Variants in GAB4 observed in about 807,000 individuals in gnomAD.
GAB4 encodes GRB2-associated-binding protein 4.
A neutral mutation model predicts 51.3 loss-of-function variants in GAB4; 26 were observed. The ratio of observed to expected loss-of-function variants is 0.51; its 90% CI spans 0.37 to 0.70. The LOEUF (loss-of-function observed/expected upper bound fraction) is 0.70. Among genes scored for constraint, GAB4 ranks in the 30% least tolerant of loss-of-function variants. The pLI, the probability that GAB4 is intolerant of heterozygous loss-of-function variation, is 0.00. For missense variants in GAB4, 759 were observed against 734.6 expected, an observed-to-expected ratio of 1.03 and a Z score of -0.38; for synonymous variants, 329 against 291.2, an observed-to-expected ratio of 1.13 and a Z score of -1.32.
intron 1 of GAB4, among the ~76,000 whole-genome samples, chr22:16,993,412 A>C (rs2123709494): frequency 6.6e-6 from 1 of 152,290 alleles, no homozygotes. Flanking sequence ...TTGGGTTATT[A>C]TCACAACTCT....
At chr22:16,976,784 T>G (rs888849049) in intron 3 of GAB4, among the ~76,000 whole-genome samples, 1 of 152,088 alleles carries the variant, frequency 6.6e-6, no homozygotes, top group African/African-American at 2.4e-5. Flanking sequence ...GGTTGGGTTA[T>G]CCACAAAGGG....
intron 3 of GAB4, among the ~76,000 whole-genome samples, chr22:16,979,899 A>T (rs575828805): frequency 6.6e-6 from 1 of 152,370 alleles, no homozygotes; most frequent in East Asian, 1.9e-4. Flanking sequence ...GACAAAAACA[A>T]GCAATGGGGA....
intron 3 of GAB4, among the ~76,000 whole-genome samples, chr22:16,986,769 T>A (rs2060871429): frequency 6.6e-6 from 1 of 152,242 alleles, no homozygotes; most frequent in Non-Finnish European, 1.5e-5. Context: ...AGAACACAGA[T>A]CTTCATGTAT....
chr22:16,970,778 A>G (rs1438493781), intron 3 of GAB4, among the ~76,000 whole-genome samples: 4 of 152,260 alleles, frequency 2.6e-5, no homozygotes, highest in African/African-American at 9.6e-5. Flanking sequence ...CATAAGCAAC[A>G]GATCCATCTT....
chr22:16,981,967 T>G (rs1209165076), intron 3 of GAB4, among the ~76,000 whole-genome samples: 1 of 152,146 alleles, frequency 6.6e-6, no homozygotes, highest in East Asian at 1.9e-4. Context: ...AACCATATGA[T>G]CATTTCAAAA....
At position 16,977,864 on chromosome 22, in the gene GAB4, G is replaced by C. The variant is rs145346300; in HGVS notation, c.687-7671C>G. Among the ~76,000 whole-genome samples, 607 of 152,280 alleles carry C rather than the reference G, an allele frequency of 4.0e-3. 1 individual carries two copies. The highest frequency in any genetic ancestry group is 0.024 in the Middle Eastern group (7 of 294). On this transcript the variant is annotated intron_variant, in intron 3 of 9. Coordinates refer to ENST00000400588, the MANE Select transcript of GAB4 (RefSeq NM_001037814.1). ...ACAGTGCAATCAAATTCGAACTCAG[G>C]ATTAAGAAACTCACTCAAAAATGCA...
chr22:16,972,420 G>A (rs186661906), intron 3 of GAB4, among the ~76,000 whole-genome samples: 250 of 152,310 alleles, frequency 1.6e-3, no homozygotes, highest in Middle Eastern at 3.4e-3. Flanking sequence ...GCAAGATGCA[G>A]AACACAGCCT....
intron 3 of GAB4, among the ~76,000 whole-genome samples, chr22:16,980,629 C>A (rs1038562448): frequency 4.6e-5 from 7 of 152,138 alleles, no homozygotes; most frequent in African/African-American, 1.2e-4. Flanking sequence ...ACCAGAAATA[C>A]CATTTGACCC....
chr22:17,004,698 GACAA>G (rs371770527), intron 1 of GAB4, among the ~76,000 whole-genome samples: 12 of 149,506 alleles, frequency 8.0e-5, no homozygotes, highest in East Asian at 2.0e-4. Flanking sequence ...AGTTATTTAT[GACAA>G]ACAATCAATA....
Position 16,970,160 on chromosome 22 carries a change from T to C in GAB4, c.720A>G (p.Pro240=), listed in dbSNP as rs767306591. The change falls in exon 4 of 10, where the codon CCA becomes CCG. Residue 240 remains proline (P), a synonymous_variant. Transcript: ENST00000400588. ...TGGCTGTGTTTCTCCTCATGATGAA[T>C]GGGGCCTCAGAACCCTGGGAGAAGC... ...SASFSQGSEA[P]FIMRRNTAMQ... 1.2e-6 allele frequency: 2 copies of C among 1,613,902 alleles called. No individual in the cohort carries two copies. Among genetic ancestry groups the C allele is most frequent in the South Asian group, 1.1e-5 (1 of 91,078 alleles).
intron 3 of GAB4, among the ~76,000 whole-genome samples, chr22:16,983,243 G>C (rs569933456): frequency 1.1e-4 from 16 of 152,238 alleles, no homozygotes; most frequent in Non-Finnish European, 8.8e-5. Flanking sequence ...CCAGAGCTCA[G>C]AGCCTTCACA....
Position 16,991,955 on chromosome 22 carries a change from C to A in GAB4, c.396G>T (p.Leu132=), listed in dbSNP as rs369693860. 9 of 1,614,032 alleles carry A rather than the reference C, an allele frequency of 5.6e-6. No individual in the cohort carries two copies. In the African/African-American group the frequency reaches 8.0e-5, roughly 14 times the overall value. Residue 132 remains leucine, a synonymous_variant, in exon 2 of 10, where the codon CTG becomes CTT. Coordinates refer to ENST00000400588, the MANE Select transcript of GAB4 (RefSeq NM_001037814.1). ...TCATGTCCTCCCTGGTCTCAGCCAC[C>A]AGGTAAAAGGTACGCTCACTGGTCT... ...DIKTSERTFY[L]VAETREDMNE...
intron 1 of GAB4, among the ~76,000 whole-genome samples, chr22:17,001,588 T>A (rs542500350): frequency 6.6e-6 from 1 of 152,352 alleles, no homozygotes; most frequent in Non-Finnish European, 1.5e-5. Flanking sequence ...TCAAATATCC[T>A]CCTTTAGCTC....
intron 9 of GAB4, among the ~76,000 whole-genome samples, 198 bp from the exon 10 acceptor site, chr22:16,963,074 G>A (rs555945487): frequency 3.9e-5 from 6 of 152,296 alleles, no homozygotes; most frequent in East Asian, 3.9e-4. Flanking sequence ...CCATAGCCCT[G>A]GCCAGCACTT....
chr22:16,976,668 A>C (rs1205841365), intron 3 of GAB4, among the ~76,000 whole-genome samples: 3 of 152,126 alleles, frequency 2.0e-5, no homozygotes, highest in Admixed American at 1.3e-4. Flanking sequence ...AATACAGAGA[A>C]CACCACCAAG....
At position 16,964,747 on chromosome 22, in the gene GAB4, G is replaced by C. The variant is rs547632337; in HGVS notation, c.1476+19C>G. ...AGGGGACTCTGATAGGAGCCTTACA[G>C]TGACCCCCAAGGACTCACCGGGAAA... On this transcript the variant is annotated intron_variant, in intron 8 of 9. Coordinates refer to ENST00000400588, the MANE Select transcript of GAB4 (RefSeq NM_001037814.1). The C allele has an allele frequency of 1.9e-6, 3 of 1,567,364 alleles. No homozygotes were observed. The South Asian group carries it at 3.3e-5, about 17-fold the overall frequency.
intron 1 of GAB4, among the ~76,000 whole-genome samples, chr22:17,006,783 C>G (rs2061043561): frequency 6.6e-6 from 1 of 152,170 alleles, no homozygotes; most frequent in Admixed American, 6.5e-5. Context: ...GCCATGTTCT[C>G]ACTCATAAGT....
intron 2 of GAB4, among the ~76,000 whole-genome samples, chr22:16,991,315 A>G (rs112718563): frequency 2.8e-5 from 4 of 144,254 alleles, no homozygotes; most frequent in African/African-American, 1.0e-4. Flanking sequence ...TGCCTCAGGA[A>G]AAAAAAAAAA....
At chr22:16,981,412 G>A (rs1280922299) in intron 3 of GAB4, among the ~76,000 whole-genome samples, 1 of 151,816 alleles carries the variant, frequency 6.6e-6, no homozygotes, top group Non-Finnish European at 1.5e-5. Context: ...AATGAGTCAA[G>A]CCTTAAATAA....
Sources: allele counts gnomAD v4.1 joint callset (sites outside exome capture counted in the v4.1 genomes callset), GRCh38; gene constraint gnomAD v4.1.1; transcripts MANE v1.5; gene names NCBI Gene and HGNC (gene_info 2026-07-23, HGNC 2026-07-21).